The following PCDHGA11 variants were observed in gnomAD, a reference collection of about 807,000 sequenced individuals.
The protein encoded by PCDHGA11 is protocadherin gamma-A11.
In PCDHGA11, 39 loss-of-function variants were observed where a neutral mutation model predicts 60.4. The ratio of observed to expected loss-of-function variants is 0.65; its 90% CI spans 0.50 to 0.84. The LOEUF is 0.84. PCDHGA11 is among the 40% of genes least tolerant of loss of function. The pLI, the probability that PCDHGA11 is intolerant of heterozygous loss-of-function variation, is 0.00. For synonymous variants in PCDHGA11, 533 were observed against 510.3 expected (o/e 1.04, Z -0.60); for missense variants, 1,165 against 1,197.7 (o/e 0.97, Z 0.40).
chr5:141,456,872 A>C (rs1003618586), intron 1 of PCDHGA11, among the ~76,000 whole-genome samples: 2 of 152,152 alleles, frequency 1.3e-5, no homozygotes, highest in African/African-American at 4.8e-5. Context: ...CTGAGGCAGG[A>C]GAATCGCTTG....
chr5:141,432,276 C>G lies in PCDHGA11; in HGVS notation c.2433+8616C>G, dbSNP rs747589363. ...GGGGCAAGCCTATCGTCCTACGTGT[C>G]CATCAACTCCGACACTGGGGTACTG... On this transcript the variant is annotated intron_variant, in intron 1 of 3. Transcript: ENST00000398587. The surrounding 1 kb of genome is among the most constrained non-coding windows in gnomAD (Gnocchi z 6.0). 6.2e-7 allele frequency: 1 copy of G among 1,614,236 alleles called. No homozygotes were observed. Among genetic ancestry groups the G allele is most frequent in the Non-Finnish European group, 8.5e-7 (1 of 1,180,044 alleles).
intron 2 of PCDHGA11, among the ~76,000 whole-genome samples, chr5:141,495,607 A>G (rs1484333463): frequency 1.3e-5 from 2 of 151,832 alleles, no homozygotes; most frequent in Admixed American, 1.3e-4. Flanking sequence ...TTCCGTCTTG[A>G]TTGCTGCACC....
intron 2 of PCDHGA11, among the ~76,000 whole-genome samples, chr5:141,499,115 C>G (rs940275925): frequency 6.6e-6 from 1 of 152,124 alleles, no homozygotes; most frequent in Non-Finnish European, 1.5e-5. Flanking sequence ...CACCACTATC[C>G]CTTCTCAGGT....
intron 1 of PCDHGA11, among the ~76,000 whole-genome samples, chr5:141,455,803 A>G (rs1197986124): frequency 6.6e-6 from 1 of 152,068 alleles, no homozygotes; most frequent in Non-Finnish European, 1.5e-5. Context: ...TGCTTTAAAA[A>G]ATGAAAACTT....
At chr5:141,425,289 A>C (rs17208404) in intron 1 of PCDHGA11, among the ~76,000 whole-genome samples, 26,691 of 152,172 alleles carry the variant, frequency 0.18, 2,539 homozygotes, top group Admixed American at 0.28. Flanking sequence ...CATATTATAA[A>C]ACCTCATCTA....
In PCDHGA11 at chr5:141,491,158, GA is replaced by G; in HGVS notation, c.2434-3648del. On this transcript the variant is annotated intron_variant, in intron 1 of 3. Transcript: ENST00000398587. This position sits in a 1 kb window ranked among gnomAD's most constrained non-coding sequence, Gnocchi z 6.9. ...CCGGGCCTTACTGGAGGATGACTCT[GA>G]CACCCAGCAGGTGGTGGTCCTGGTG... 6.2e-7 allele frequency: 1 copy of G among 1,614,130 alleles called. No homozygotes were observed. The highest frequency in any genetic ancestry group is 8.5e-7 in the Non-Finnish European group (1 of 1,179,972).
intron 1 of PCDHGA11, among the ~76,000 whole-genome samples, chr5:141,482,530 C>CAAAAAAAAAAAAAAAAAAAAAA (rs3074545): frequency 1.3e-5 from 1 of 76,562 alleles, no homozygotes. Context: ...GACAGACATG[C>CAAAAAAAAAAAAAAAAAAAAAA]AAAAAAAAAA....
Position 141,487,070 on chromosome 5 carries a change from C to A in PCDHGA11, c.2434-7737C>A, listed in dbSNP as rs1365482479. The A allele has an allele frequency of 6.2e-7, 1 of 1,614,036 alleles. No individual in the cohort carries two copies. The highest frequency in any genetic ancestry group is 8.5e-7 in the Non-Finnish European group (1 of 1,180,016). ...TGCTGGGGAGGTGCGGACGGCTGTT[C>A]CTATCCCAGCTGACCTCCCACCACA... is the stretch of plus-strand genomic sequence containing the variant. On this transcript the variant is annotated intron_variant, in intron 1 of 3. Coordinates refer to ENST00000398587, the MANE Select transcript of PCDHGA11 (RefSeq NM_018914.3). The surrounding 1 kb of genome is among the most constrained non-coding windows in gnomAD (Gnocchi z 5.0).
chr5:141,497,540 CTT>C (rs754207034), intron 2 of PCDHGA11, among the ~76,000 whole-genome samples: 114 of 134,852 alleles, frequency 8.5e-4, no homozygotes, highest in Middle Eastern at 3.7e-3. Context: ...TGCAACAAAC[CTT>C]TTTTTTTTTT....
At chr5:141,447,437 G>A (rs1435222330) in intron 1 of PCDHGA11, among the ~76,000 whole-genome samples, 3 of 152,128 alleles carry the variant, frequency 2.0e-5, no homozygotes, top group Non-Finnish European at 2.9e-5. Context: ...CGCACCCGGA[G>A]GAAATTTTTA....
rs150106838 is a variant in PCDHGA11, at chr5:141,503,886, T to C, written c.2493-1507T>C. On this transcript the variant is annotated intron_variant, in intron 2 of 3. Coordinates refer to ENST00000398587, the MANE Select transcript of PCDHGA11 (RefSeq NM_018914.3). Reference sequence around the variant, plus strand: ...AGTTCTTGGTTGTGCTCACCCACCATGACAAAATATGCACACACACAACGC... The same window carrying C: ...AGTTCTTGGTTGTGCTCACCCACCACGACAAAATATGCACACACACAACGC... Among the ~76,000 whole-genome samples, 20 of 152,290 alleles carry C rather than the reference T, an allele frequency of 1.3e-4. No individual in the cohort carries two copies. The South Asian group carries it at 3.9e-3, about 30-fold the overall frequency.
At chr5:141,470,182 G>A (rs540599468) in intron 1 of PCDHGA11, among the ~76,000 whole-genome samples, 1 of 152,262 alleles carries the variant, frequency 6.6e-6, no homozygotes, top group Non-Finnish European at 1.5e-5. Context: ...AAATATTCAA[G>A]TAAACTTCAG....
chr5:141,505,694 G>A, intron 3 of PCDHGA11, among the ~76,000 whole-genome samples: 1 of 152,208 alleles, frequency 6.6e-6, no homozygotes, highest in East Asian at 1.9e-4. Flanking sequence ...GCCTGGAGGA[G>A]AGCGAACAAG....
rs777115265 is a variant in PCDHGA11, at chr5:141,485,247, G to C, written c.2434-9560G>C. ...CTTTTGTTCCTCTTTTACCACCTGG[G>C]TTACGTTTGTGGGCAGATCCGCTAC... On this transcript the variant is annotated intron_variant, in intron 1 of 3. Coordinates refer to ENST00000398587, the MANE Select transcript of PCDHGA11 (RefSeq NM_018914.3). This position sits in a 1 kb window ranked among gnomAD's most constrained non-coding sequence, Gnocchi z 5.7. 8.7e-6 allele frequency: 14 copies of C among 1,614,156 alleles called. No homozygotes were observed. In the African/African-American group the frequency reaches 1.6e-4, roughly 18 times the overall value.
intron 1 of PCDHGA11, among the ~76,000 whole-genome samples, chr5:141,466,670 G>A (rs994949602): frequency 9.2e-5 from 14 of 152,046 alleles, no homozygotes; most frequent in African/African-American, 2.2e-4. Flanking sequence ...TGATTTCACC[G>A]TTCTTCCACT....
In PCDHGA11 at chr5:141,483,740, A is replaced by T. The variant is rs2099586227; in HGVS notation, c.2434-11067A>T. Among the ~76,000 whole-genome samples, 4 of 152,148 alleles carry T rather than the reference A, an allele frequency of 2.6e-5. No homozygotes were observed. The South Asian group carries it at 8.3e-4, about 32-fold the overall frequency. ...TGGTTCCCACCATAGTCAAAAGGATATTCCTGAGGATCGAGGCTTGGAAAA... is the reference window on the plus strand; with the variant it reads ...TGGTTCCCACCATAGTCAAAAGGATTTTCCTGAGGATCGAGGCTTGGAAAA... On this transcript the variant is annotated intron_variant, in intron 1 of 3. Transcript: ENST00000398587.
chr5:141,458,367 G>A (rs1297876142), intron 1 of PCDHGA11, among the ~76,000 whole-genome samples: 2 of 152,130 alleles, frequency 1.3e-5, no homozygotes, highest in African/African-American at 2.4e-5. Context: ...AGAAGGAAGG[G>A]AGAAGAGAGA....
intron 1 of PCDHGA11, among the ~76,000 whole-genome samples, chr5:141,483,015 G>A (rs916071219): frequency 2.0e-5 from 3 of 152,044 alleles, no homozygotes; most frequent in African/African-American, 7.2e-5. Context: ...AACCCGGGAG[G>A]CAGAGGTTGC....
intron 2 of PCDHGA11, among the ~76,000 whole-genome samples, chr5:141,504,008 C>G (rs2099835164): frequency 6.6e-6 from 1 of 152,208 alleles, no homozygotes; most frequent in South Asian, 2.1e-4. Flanking sequence ...ACTTAACTGT[C>G]TCTGCTGGTC....
Sources: allele counts gnomAD v4.1 joint callset (sites outside exome capture counted in the v4.1 genomes callset), GRCh38; gene constraint gnomAD v4.1.1; non-coding constraint Gnocchi (gnomAD v3.1); transcripts MANE v1.5; gene names NCBI Gene and HGNC (gene_info 2026-07-23, HGNC 2026-07-21).